FBN2: variants seen among roughly 807,000 people sequenced by gnomAD.
The protein encoded by FBN2 is fibrillin-2.
A neutral mutation model predicts 355.6 loss-of-function variants in FBN2; 105 were observed. The ratio of observed to expected loss-of-function variants is 0.30; its 90% CI spans 0.25 to 0.35. The LOEUF (loss-of-function observed/expected upper bound fraction) is 0.35. FBN2 is among the 10% of genes least tolerant of loss of function. The pLI is 1.00. For missense variants in FBN2, 3,280 were observed against 3,758.7 expected, an observed-to-expected ratio of 0.87 and a Z score of 3.33; for synonymous variants, 1,350 against 1,301.2, an observed-to-expected ratio of 1.04 and a Z score of -0.81.
chr5:128,360,673 G>C (rs1321994995), intron 19 of FBN2, among the ~76,000 whole-genome samples: 7 of 151,688 alleles, frequency 4.6e-5, no homozygotes, highest in Admixed American at 4.6e-4. Context: ...AGTCATTCAT[G>C]TTTTGGCATC....
Position 128,351,843 on chromosome 5 carries a change from G to A in FBN2, c.2675-838C>T, listed in dbSNP as rs1751376073. On this transcript the variant is annotated intron_variant, in intron 20 of 64. Transcript: ENST00000262464. ...AGCCTCCCAAAGTGTTAGGATTACA[G>A]GCATGAGCCAGTGCGCCCCGCCCTT... Among the ~76,000 whole-genome samples the A allele has an allele frequency of 3.3e-5, 5 of 151,556 alleles. No homozygotes were observed. In the South Asian group the frequency reaches 8.3e-4, roughly 25 times the overall value.
chr5:128,278,601 T>G, intron 57 of FBN2, 34 bp downstream of exon 57: 1 of 1,577,072 alleles, frequency 6.3e-7, no homozygotes, highest in South Asian at 1.1e-5. Flanking sequence ...ATTTAATGTG[T>G]TGATTATATG....
chr5:128,309,213 T>C (rs1749966282), intron 41 of FBN2, 34 bp downstream of exon 41: 1 of 1,610,636 alleles, frequency 6.2e-7, no homozygotes, highest in Non-Finnish European at 8.5e-7. Context: ...ATCACTGATG[T>C]GGCAGTCAGC....
intron 13 of FBN2, 133 bp from the exon 14 acceptor site, chr5:128,376,986 A>G (rs1043255477): frequency 7.4e-6 from 8 of 1,080,028 alleles, no homozygotes; most frequent in Non-Finnish European, 8.3e-6. Context: ...TTTTTTTTAA[A>G]AAAAGAACGC....
At chr5:128,437,450 T>C (rs35125688) in intron 7 of FBN2, among the ~76,000 whole-genome samples, 1 of 152,168 alleles carries the variant, frequency 6.6e-6, no homozygotes, top group African/African-American at 2.4e-5. Context: ...GAATGGAGTA[T>C]CTCTAGATTT....
At chr5:128,408,146 G>A (rs1359973027) in intron 8 of FBN2, among the ~76,000 whole-genome samples, 1 of 152,158 alleles carries the variant, frequency 6.6e-6, no homozygotes, top group African/African-American at 2.4e-5. Flanking sequence ...CTCGCAATAA[G>A]ACAGATGTCT....
At chr5:128,448,388 C>T (rs1175393851) in intron 6 of FBN2, among the ~76,000 whole-genome samples, 1 of 151,944 alleles carries the variant, frequency 6.6e-6, no homozygotes, top group Non-Finnish European at 1.5e-5. Context: ...CTCACTGAAA[C>T]CTCCACCTCC....
Position 128,263,448 on chromosome 5 carries a change from AG to A in FBN2, c.8168del (p.Pro2723LeufsTer72). On this transcript the variant is annotated frameshift_variant, in exon 63 of 65. Coordinates refer to ENST00000262464, the MANE Select transcript of FBN2 (RefSeq NM_001999.4). LOFTEE classifies it high-confidence loss of function. ...TEGGYLCGCP[P>X]GYYRVGQGHC... ...ACCCTTGTCCCACTCTGTAATACCC[AG>A]GGGGGCAGCCACAGAGGTAGCCCCC... 6.2e-7 allele frequency: 1 copy of A among 1,613,918 alleles called. No homozygotes were observed. Among genetic ancestry groups the A allele is most frequent in the African/African-American group, 1.3e-5 (1 of 75,032 alleles).
Position 128,377,760 on chromosome 5 carries a change from T to A in FBN2, c.1841A>T (p.Asn614Ile), listed in dbSNP as rs770876270. 10 of 1,613,416 alleles carry A rather than the reference T, an allele frequency of 6.2e-6. No homozygotes were observed. The South Asian group carries it at 9.9e-5, about 16-fold the overall frequency. ...GCAGGCAATTTCCATACCAACACAG[T>A]TTTTTCCATCTGTAGTTAATTCAAA... The part of the protein sequence containing the change: ...AGFELTTDGK[N>I]CVDHDECTTT... Residue 614 changes from asparagine (N) to isoleucine (I), a missense_variant, in exon 13 of 65, where the codon AAC becomes ATC. By Grantham distance (149) the Asn-to-Ile change is moderately radical. Transcript: ENST00000262464.
chr5:128,319,124 T>G (rs926093133), intron 34 of FBN2, 123 bp from the exon 35 acceptor site: 2 of 756,972 alleles, frequency 2.6e-6, no homozygotes, highest in Admixed American at 4.7e-5. Context: ...GGCTTTTTTT[T>G]TCTCTTTTTT....
intron 7 of FBN2, among the ~76,000 whole-genome samples, chr5:128,442,682 T>C (rs893828602): frequency 7.9e-5 from 12 of 152,176 alleles, no homozygotes; most frequent in Non-Finnish European, 1.6e-4. Context: ...GAGAGGTTTT[T>C]TTGAGATCCA....
intron 62 of FBN2, 117 bp downstream of exon 62, chr5:128,271,882 T>G: frequency 8.2e-7 from 1 of 1,215,322 alleles, no homozygotes; most frequent in Non-Finnish European, 1.2e-6. Flanking sequence ...AAGGACTGGG[T>G]TTAAAGTCTA....
At chr5:128,384,663 G>A (rs1752320245) in intron 11 of FBN2, among the ~76,000 whole-genome samples, 1 of 151,958 alleles carries the variant, frequency 6.6e-6, no homozygotes, top group Non-Finnish European at 1.5e-5. Context: ...AGAAATAAGT[G>A]CTTAGAATGC....
intron 4 of FBN2, among the ~76,000 whole-genome samples, chr5:128,521,730 C>A (rs749676150): frequency 3.9e-5 from 6 of 152,180 alleles, no homozygotes; most frequent in Non-Finnish European, 8.8e-5. Context: ...GCTGTCCACA[C>A]TGACTGTAAC....
chr5:128,298,965 G>GT (rs1749623223), intron 48 of FBN2, among the ~76,000 whole-genome samples: 1 of 152,156 alleles, frequency 6.6e-6, no homozygotes, highest in African/African-American at 2.4e-5. Flanking sequence ...CATCTTTGTG[G>GT]TTTTATCTAC....
intron 7 of FBN2, among the ~76,000 whole-genome samples, chr5:128,443,170 G>T (rs1753969203): frequency 6.6e-6 from 1 of 152,144 alleles, no homozygotes; most frequent in South Asian, 2.1e-4. Context: ...CCATGACACA[G>T]AAGATCTAAA....
At chr5:128,488,980 T>C (rs867912981) in intron 5 of FBN2, among the ~76,000 whole-genome samples, 2 of 152,350 alleles carry the variant, frequency 1.3e-5, no homozygotes, top group South Asian at 4.1e-4. Flanking sequence ...TGTGTCTTTA[T>C]AGCAGCATGA....
At chr5:128,521,989 A>G (rs1385565815) in intron 4 of FBN2, among the ~76,000 whole-genome samples, 1 of 152,228 alleles carries the variant, frequency 6.6e-6, no homozygotes, top group Non-Finnish European at 1.5e-5. Flanking sequence ...ATCTTAGCTT[A>G]TAATATGGGT....
chr5:128,386,247 C>G (rs1752362976), intron 11 of FBN2, among the ~76,000 whole-genome samples: 1 of 152,092 alleles, frequency 6.6e-6, no homozygotes, highest in Non-Finnish European at 1.5e-5. Flanking sequence ...TATGACTAGC[C>G]AGCTATTGCA....
Sources: allele counts gnomAD v4.1 joint callset (sites outside exome capture counted in the v4.1 genomes callset), GRCh38; gene constraint gnomAD v4.1.1; transcripts MANE v1.5; gene names NCBI Gene and HGNC (gene_info 2026-07-23, HGNC 2026-07-21).